The following GALNT14 variants were observed in gnomAD, a reference collection of about 807,000 sequenced individuals.
The protein encoded by GALNT14 is UDP-GalNAc:polypeptide N-acetylgalactosaminyltransferase 14.
In GALNT14, 60 loss-of-function variants were observed where a neutral mutation model predicts 77.5. The observed-to-expected ratio is 0.77, with a 90% CI of 0.63 to 0.96. The LOEUF is 0.96. GALNT14 is among the 40% of genes least tolerant of loss of function. The probability of loss-of-function intolerance (pLI) is 0.00; values close to 1 mark genes in which losing one functional copy is unlikely to be tolerated. For missense variants in GALNT14, 710 were observed against 731.0 expected (o/e 0.97, Z 0.33); for synonymous variants, 280 against 281.7 (o/e 0.99, Z 0.06).
chr2:30,950,148 T>C (rs1356793900), intron 6 of GALNT14, among the ~76,000 whole-genome samples: 1 of 152,198 alleles, frequency 6.6e-6, no homozygotes, highest in East Asian at 1.9e-4. Flanking sequence ...GATAAGACTT[T>C]GAAGAATATG....
intron 1 of GALNT14, among the ~76,000 whole-genome samples, chr2:31,130,783 T>TGCGCGCGCGCGC (rs1553382625): frequency 2.5e-5 from 3 of 118,632 alleles, no homozygotes; most frequent in African/African-American, 1.1e-4. Context: ...TGTGTGTGTG[T>TGCGCGCGCGCGC]GCGCGCGCAC....
At chr2:30,951,009 G>A (rs1666991991) in intron 6 of GALNT14, among the ~76,000 whole-genome samples, 1 of 152,144 alleles carries the variant, frequency 6.6e-6, no homozygotes, top group African/African-American at 2.4e-5. Context: ...CAGCCTGGGG[G>A]TCCCTGCAGG....
intron 2 of GALNT14, among the ~76,000 whole-genome samples, chr2:30,979,040 T>A (rs1055880982): frequency 6.6e-6 from 1 of 152,148 alleles, no homozygotes; most frequent in Admixed American, 6.5e-5. Context: ...CACAGCACAG[T>A]CGGCACAGGC....
intron 1 of GALNT14, among the ~76,000 whole-genome samples, chr2:31,091,221 T>G (rs1676721066): frequency 6.6e-6 from 1 of 152,208 alleles, no homozygotes; most frequent in Admixed American, 6.5e-5. Flanking sequence ...GCTTTTGCAT[T>G]TTTAAATGGT....
At chr2:31,101,376 G>A (rs1378625360) in intron 1 of GALNT14, among the ~76,000 whole-genome samples, 2 of 151,962 alleles carry the variant, frequency 1.3e-5, no homozygotes, top group Non-Finnish European at 2.9e-5. Context: ...TACTTTGTCA[G>A]GTTTTGGTAA....
At chr2:30,977,090 G>GTTTTTTTTTTTTTT (rs1371704522) in intron 2 of GALNT14, among the ~76,000 whole-genome samples, 1 of 131,074 alleles carries the variant, frequency 7.6e-6, no homozygotes, top group African/African-American at 3.8e-5. Context: ...TGGCTTTTCT[G>GTTTTTTTTTTTTTT]TCTTTTTTTT....
At chr2:30,906,848 T>C (rs1664157975), downstream of GALNT14, among the ~76,000 whole-genome samples, 1 of 152,156 alleles carries the variant, frequency 6.6e-6, no homozygotes. Flanking sequence ...ACAGAAATTA[T>C]AACAAACTAT....
intron 2 of GALNT14, among the ~76,000 whole-genome samples, chr2:30,967,132 G>A (rs12623500): frequency 0.12 from 17,702 of 152,060 alleles, 1,282 homozygotes; most frequent in East Asian, 0.28. Context: ...CAGACTTTAG[G>A]GAGTCAAATA....
intron 1 of GALNT14, among the ~76,000 whole-genome samples, chr2:31,077,237 C>G (rs1243564613): frequency 6.6e-6 from 1 of 152,150 alleles, no homozygotes; most frequent in Non-Finnish European, 1.5e-5. Context: ...AGTGAGTATT[C>G]CAATGAAGGA....
At chr2:31,043,011 C>G (rs148069512) in intron 1 of GALNT14, among the ~76,000 whole-genome samples, 1 of 152,186 alleles carries the variant, frequency 6.6e-6, no homozygotes, top group Admixed American at 6.5e-5. Flanking sequence ...TGGCCACGGT[C>G]ACCTGTCTCA....
At chr2:30,948,734 T>C (rs527520618) in intron 6 of GALNT14, among the ~76,000 whole-genome samples, 5 of 152,184 alleles carry the variant, frequency 3.3e-5, no homozygotes, top group African/African-American at 1.2e-4. Flanking sequence ...GCCATAACCA[T>C]GATTCTAACA....
intron 1 of GALNT14, among the ~76,000 whole-genome samples, chr2:31,040,392 C>G (rs1303666797): frequency 2.6e-5 from 4 of 152,096 alleles, no homozygotes; most frequent in Non-Finnish European, 5.9e-5. Flanking sequence ...CCTCATCCAG[C>G]CTTGAAGTGG....
intron 10 of GALNT14, among the ~76,000 whole-genome samples, chr2:30,930,710 G>A (rs1254581090): frequency 6.6e-6 from 1 of 152,224 alleles, no homozygotes; most frequent in Admixed American, 6.5e-5. Context: ...AGAGGAGCGT[G>A]GCAAGCCCTT....
intron 6 of GALNT14, among the ~76,000 whole-genome samples, chr2:30,953,324 T>C (rs1667152833): frequency 6.7e-6 from 1 of 150,084 alleles, no homozygotes; most frequent in African/African-American, 2.5e-5. Flanking sequence ...TTTTTTTTTT[T>C]TTGAGAGAGA....
the GALNT14 span, among the ~76,000 whole-genome samples, chr2:30,901,308 C>T: frequency 1.3e-5 from 2 of 152,110 alleles, no homozygotes; most frequent in African/African-American, 4.8e-5. Flanking sequence ...CAACATGGCA[C>T]CAGTCTCAGC....
intron 1 of GALNT14, among the ~76,000 whole-genome samples, chr2:31,025,396 G>T (rs900195884): frequency 6.6e-6 from 1 of 152,176 alleles, no homozygotes; most frequent in South Asian, 2.1e-4. Context: ...CCATATTATG[G>T]AGAGAGAGAC....
chr2:31,041,588 C>T (rs896396289), intron 1 of GALNT14, among the ~76,000 whole-genome samples: 1 of 152,054 alleles, frequency 6.6e-6, no homozygotes, highest in Non-Finnish European at 1.5e-5. Context: ...CAGAGAGGTA[C>T]ATGCATTGGT....
chr2:30,975,697 A>C (rs988834864), intron 2 of GALNT14, among the ~76,000 whole-genome samples: 10 of 152,224 alleles, frequency 6.6e-5, no homozygotes, highest in African/African-American at 2.4e-4. Flanking sequence ...TAATTGGTAT[A>C]TAATACAAAT....
At chr2:31,093,763 T>A (rs556495016) in intron 1 of GALNT14, among the ~76,000 whole-genome samples, 2 of 152,386 alleles carry the variant, frequency 1.3e-5, no homozygotes, top group South Asian at 4.1e-4. Context: ...AGGTGTTGAA[T>A]GCAAATGGAC....
Sources: gnomAD v4.1 joint callset for allele counts (sites outside exome capture counted in the v4.1 genomes callset) on GRCh38, gnomAD v4.1.1 for gene constraint, MANE v1.5 for transcripts, NCBI Gene and HGNC (gene_info 2026-07-23, HGNC 2026-07-21) for gene names.